The following DLGAP4 variants were observed in gnomAD, a reference collection of about 807,000 sequenced individuals.
DLGAP4 encodes DLG associated protein 4.
DLGAP4 carries 18 observed loss-of-function variants against 86.9 expected under a neutral mutation model. The ratio of observed to expected loss-of-function variants is 0.21; its 90% confidence interval spans 0.14 to 0.31. DLGAP4 has a LOEUF of 0.31. DLGAP4 is among the 10% of genes least tolerant of loss of function. The pLI is 1.00. For synonymous variants in DLGAP4, 548 were observed against 574.3 expected, an observed-to-expected ratio of 0.95 and a Z score of 0.65; for missense variants, 1,085 against 1,362.6, an observed-to-expected ratio of 0.80 and a Z score of 3.21.
At chr20:36,517,833 C>A (rs2147842349) in intron 10 of DLGAP4, among the ~76,000 whole-genome samples, 1 of 152,262 alleles carries the variant, frequency 6.6e-6, no homozygotes, top group Middle Eastern at 3.4e-3. Context: ...GGCTTGTAAT[C>A]TTTCCTTTCT....
At chr20:36,495,757 C>T (rs1453662281) in intron 7 of DLGAP4, among the ~76,000 whole-genome samples, 3 of 152,164 alleles carry the variant, frequency 2.0e-5, no homozygotes, top group Non-Finnish European at 4.4e-5. Flanking sequence ...AACAGGGAGG[C>T]AGACCACTGT....
At chr20:36,508,026 C>T (rs760372899) in intron 10 of DLGAP4, 3 of 152,256 alleles carry the variant, frequency 2.0e-5, no homozygotes, top group African/African-American at 7.2e-5. Flanking sequence ...TGTGTTGAAC[C>T]CTGAGGCTGC....
chr20:36,366,260 C>T (rs2030685476), intron 1 of DLGAP4, among the ~76,000 whole-genome samples: 1 of 152,128 alleles, frequency 6.6e-6, no homozygotes, highest in Non-Finnish European at 1.5e-5. Flanking sequence ...GGGGTTTTAC[C>T]ATGTTGGCCA....
chr20:36,347,027 C>T (rs1451629666), intron 1 of DLGAP4, among the ~76,000 whole-genome samples: 1 of 152,190 alleles, frequency 6.6e-6, no homozygotes, highest in Non-Finnish European at 1.5e-5. Context: ...TGGGCATTTC[C>T]AGTCTTTTCC....
intron 1 of DLGAP4, among the ~76,000 whole-genome samples, chr20:36,338,508 G>C (rs1034524589): frequency 6.6e-6 from 1 of 152,214 alleles, no homozygotes; most frequent in African/African-American, 2.4e-5. Context: ...GGAGGCGGAG[G>C]TTGCAGTGAG....
chr20:36,345,707 C>T (rs1235013178), intron 1 of DLGAP4, among the ~76,000 whole-genome samples: 1 of 152,132 alleles, frequency 6.6e-6, no homozygotes, highest in Admixed American at 6.6e-5. Context: ...CCCACCTGCC[C>T]CACTGTAAGG....
intron 2 of DLGAP4, among the ~76,000 whole-genome samples, chr20:36,412,239 G>T (rs2032520000): frequency 6.6e-6 from 1 of 152,260 alleles, no homozygotes; most frequent in Admixed American, 6.5e-5. Context: ...ATGAAACAGG[G>T]CGAGGCAGGT....
intron 10 of DLGAP4, among the ~76,000 whole-genome samples, chr20:36,513,554 CAAAAAAAAAA>C (rs562398294): frequency 1.2e-4 from 5 of 40,562 alleles, no homozygotes; most frequent in African/African-American, 3.6e-4. Context: ...GACTCCGTCT[CAAAAAAAAAA>C]AAAAAAAAAA....
intron 7 of DLGAP4, among the ~76,000 whole-genome samples, chr20:36,451,698 T>C (rs2033740279): frequency 6.6e-6 from 1 of 152,024 alleles, no homozygotes; most frequent in Admixed American, 6.6e-5. Flanking sequence ...CACACTTTGA[T>C]TTGATCCTGT....
chr20:36,517,659 C>T (rs1349312640), intron 10 of DLGAP4, among the ~76,000 whole-genome samples: 3 of 151,926 alleles, frequency 2.0e-5, no homozygotes, highest in African/African-American at 7.3e-5. Flanking sequence ...TTGTCTGACA[C>T]TCACTGGTTT....
chr20:36,366,507 C>A (rs918496682), intron 1 of DLGAP4, among the ~76,000 whole-genome samples: 11 of 152,186 alleles, frequency 7.2e-5, no homozygotes, highest in Non-Finnish European at 2.9e-5. Flanking sequence ...TTAGAAGGGC[C>A]TTTATTGGGC....
chr20:36,510,461 C>T (rs543684553), intron 10 of DLGAP4, among the ~76,000 whole-genome samples: 31 of 151,842 alleles, frequency 2.0e-4, no homozygotes, highest in Admixed American at 2.6e-4. Context: ...AATGAGGTTT[C>T]GCCATGTTGG....
intron 7 of DLGAP4, among the ~76,000 whole-genome samples, chr20:36,467,019 TCTCTCTC>T (rs1569509575): frequency 3.1e-4 from 2 of 6,462 alleles, no homozygotes; most frequent in African/African-American, 5.7e-4. Flanking sequence ...CTCTCTCTCC[TCTCTCTC>T]TCTCTCTCTC....
chr20:36,473,741 T>C (rs1392796518), intron 7 of DLGAP4, among the ~76,000 whole-genome samples: 1 of 152,184 alleles, frequency 6.6e-6, no homozygotes, highest in East Asian at 1.9e-4. Flanking sequence ...TGAGCTACCA[T>C]GCCTGGCCAG....
chr20:36,467,936 T>C (rs1293399927), intron 7 of DLGAP4, among the ~76,000 whole-genome samples: 1 of 152,248 alleles, frequency 6.6e-6, no homozygotes, highest in African/African-American at 2.4e-5. Context: ...CAAGGCCAAC[T>C]GTCTCCAAAC....
intron 2 of DLGAP4, among the ~76,000 whole-genome samples, chr20:36,390,569 T>TG (rs1053999980): frequency 2.6e-5 from 4 of 151,982 alleles, no homozygotes; most frequent in East Asian, 1.9e-4. Context: ...CAATCCTGAG[T>TG]GGGGGGGCAT....
chr20:36,453,801 C>T lies in DLGAP4; in HGVS notation c.1648+6864C>T, dbSNP rs1406105559. The stretch of plus-strand genomic sequence containing the variant: ...TACAAAAATTAGCTGGGCATGGTAG[C>T]GGGCACCTATAATCCCAGCTACTCT... On this transcript the variant is annotated intron_variant, in intron 7 of 12. Coordinates refer to ENST00000339266, the MANE Select transcript of DLGAP4 (RefSeq NM_001365621.2). 5.3e-5 allele frequency among the ~76,000 whole-genome samples: 8 copies of T among 150,318 alleles called. No individual in the cohort carries two copies. In the South Asian group the frequency reaches 6.3e-4, roughly 12 times the overall value.
At chr20:36,461,692 CCGCCCT>C (rs1222434316) in intron 7 of DLGAP4, 15 of 477,588 alleles carry the variant, frequency 3.1e-5, no homozygotes, top group East Asian at 2.2e-4. Context: ...TGCCCCGCCC[CCGCCCT>C]CGCCCTCCTC....
chr20:36,461,572 C>T, intron 7 of DLGAP4: 1 of 962,398 alleles, frequency 1.0e-6, no homozygotes, highest in Non-Finnish European at 1.2e-6. Flanking sequence ...CGGTCCACGT[C>T]GTCGCTGCCG....
Sources: gnomAD v4.1 joint callset for allele counts (sites outside exome capture counted in the v4.1 genomes callset) on GRCh38, gnomAD v4.1.1 for gene constraint, MANE v1.5 for transcripts, NCBI Gene and HGNC (gene_info 2026-07-23, HGNC 2026-07-21) for gene names.